Variants in OXR1 observed in about 807,000 individuals in gnomAD.
The protein encoded by OXR1 is oxidation resistance 1, also known as oxidation resistance protein 1.
Under a neutral mutation model 104.6 loss-of-function variants are expected in OXR1, and 41 were observed. The ratio of observed to expected loss-of-function variants is 0.39; its 90% confidence interval spans 0.31 to 0.51. The LOEUF (loss-of-function observed/expected upper bound fraction) is 0.51. Among genes scored for constraint, OXR1 ranks in the 20% least tolerant of loss-of-function variants. The probability of loss-of-function intolerance (pLI) is 0.77; values close to 1 mark genes in which losing one functional copy is unlikely to be tolerated. For synonymous variants in OXR1, 348 were observed against 348.4 expected (o/e 1.00, Z 0.01); for missense variants, 955 against 1,031.9 (o/e 0.93, Z 1.02).
intron 3 of OXR1, among the ~76,000 whole-genome samples, chr8:106,648,098 A>T (rs750869887): frequency 1.3e-5 from 2 of 152,238 alleles, no homozygotes; most frequent in Non-Finnish European, 2.9e-5. Flanking sequence ...AATGAACACA[A>T]TGTTGTGGCT....
At chr8:106,280,081 C>T (rs1441235122) in intron 1 of OXR1, among the ~76,000 whole-genome samples, 1 of 152,122 alleles carries the variant, frequency 6.6e-6, no homozygotes, top group African/African-American at 2.4e-5. Context: ...TCTGTTACTA[C>T]TGGAAGAGGG....
intron 1 of OXR1, among the ~76,000 whole-genome samples, chr8:106,278,358 T>C (rs1041274665): frequency 2.6e-5 from 4 of 152,188 alleles, no homozygotes; most frequent in Admixed American, 2.6e-4. Flanking sequence ...CGTGATTTAT[T>C]CCTTTGTTCC....
At position 106,706,855 on chromosome 8, in the gene OXR1, G is replaced by A. The variant is rs773832572; in HGVS notation, c.1334G>A (p.Gly445Asp). ...GPKEDSTSIK[G>D]NSDQDSFLHE... ...AAAGAAGACAGCACAAGTATAAAAG[G>A]TAATTCAGACCAGGATTCTTTTCTT... The change falls in exon 9 of 17, where the codon GGT becomes GAT. Residue 445 changes from glycine (G) to aspartate (D), a missense_variant. Physicochemically the swap from Gly to Asp is moderately conservative, Grantham distance 94 (BLOSUM62 -1). Coordinates refer to ENST00000517566, the MANE Select transcript of OXR1 (RefSeq NM_001198533.2). The A allele has an allele frequency of 1.9e-6, 3 of 1,612,166 alleles. No homozygotes were observed. Among genetic ancestry groups the A allele is most frequent in the Non-Finnish European group, 2.5e-6 (3 of 1,179,626 alleles).
intron 1 of OXR1, among the ~76,000 whole-genome samples, chr8:106,283,628 GC>G: frequency 6.6e-6 from 1 of 152,092 alleles, no homozygotes; most frequent in Non-Finnish European, 1.5e-5. Context: ...TAGTCAAAGG[GC>G]CTCCCCCTGA....
rs1831888492 is a variant in OXR1 at position 106,713,293 on chromosome 8, T to C, written c.1794-530T>C. Among the ~76,000 whole-genome samples the C allele has an allele frequency of 2.6e-5, 4 of 151,930 alleles. No homozygotes were observed. In the South Asian group the frequency reaches 8.3e-4, roughly 31 times the overall value. ...CAGGGAATGTAACAACTGGCTTTAGTGTAGTAAACAAAACATTGAAAAGGG... is the reference window on the plus strand; with the variant it reads ...CAGGGAATGTAACAACTGGCTTTAGCGTAGTAAACAAAACATTGAAAAGGG... On this transcript the variant is annotated intron_variant, in intron 10 of 16. Coordinates refer to ENST00000517566, the MANE Select transcript of OXR1 (RefSeq NM_001198533.2).
chr8:106,673,537 T>A (rs2131174973), intron 3 of OXR1, among the ~76,000 whole-genome samples: 1 of 152,300 alleles, frequency 6.6e-6, no homozygotes, highest in East Asian at 1.9e-4. Context: ...AAGAAAAACC[T>A]GTTTCTGAGG....
chr8:106,536,142 C>G (rs1814506869), intron 3 of OXR1, among the ~76,000 whole-genome samples: 1 of 151,814 alleles, frequency 6.6e-6, no homozygotes, highest in South Asian at 2.1e-4. Context: ...ATGGCATGAA[C>G]CTGGGAGACG....
At chr8:106,561,541 G>A (rs1816681497) in intron 3 of OXR1, among the ~76,000 whole-genome samples, 1 of 152,186 alleles carries the variant, frequency 6.6e-6, no homozygotes, top group South Asian at 2.1e-4. Flanking sequence ...GGCGGCTGTG[G>A]GCGCAGCTTC....
At chr8:106,455,632 C>A (rs1820558807) in intron 2 of OXR1, among the ~76,000 whole-genome samples, 1 of 152,122 alleles carries the variant, frequency 6.6e-6, no homozygotes, top group East Asian at 1.9e-4. Context: ...AGGTGATGAC[C>A]CCCTAGAGCA....
At chr8:106,635,113 G>A (rs1485472465) in intron 3 of OXR1, among the ~76,000 whole-genome samples, 2 of 152,122 alleles carry the variant, frequency 1.3e-5, no homozygotes, top group Non-Finnish European at 2.9e-5. Flanking sequence ...GAGGAGATTT[G>A]GTCATTGACT....
chr8:106,471,626 G>T (rs1394375655), intron 2 of OXR1, among the ~76,000 whole-genome samples: 1 of 151,736 alleles, frequency 6.6e-6, no homozygotes, highest in African/African-American at 2.4e-5. Flanking sequence ...TCCCAATGTT[G>T]TTCCCATGTT....
intron 11 of OXR1, among the ~76,000 whole-genome samples, chr8:106,721,188 G>A (rs967104173): frequency 3.3e-5 from 5 of 151,880 alleles, no homozygotes; most frequent in African/African-American, 1.2e-4. Context: ...TTGCTTTTTG[G>A]TTCCTTTCCT....
At chr8:106,553,415 C>T (rs1816026678) in intron 3 of OXR1, among the ~76,000 whole-genome samples, 1 of 151,062 alleles carries the variant, frequency 6.6e-6, no homozygotes, top group South Asian at 2.1e-4. Context: ...ACTTCCCTGG[C>T]TCAAGCAATC....
chr8:106,506,190 G>T (rs190034213), intron 2 of OXR1, among the ~76,000 whole-genome samples: 14 of 152,210 alleles, frequency 9.2e-5, no homozygotes, highest in Non-Finnish European at 1.2e-4. Context: ...GGAAAGTCAG[G>T]GTCAAGTTTA....
chr8:106,360,497 G>T (rs1176467008), intron 2 of OXR1, among the ~76,000 whole-genome samples: 3 of 151,892 alleles, frequency 2.0e-5, no homozygotes, highest in African/African-American at 7.3e-5. Flanking sequence ...TTTATTTTTA[G>T]TGAAGTCAGC....
chr8:106,412,877 T>A (rs1818515388), intron 2 of OXR1, among the ~76,000 whole-genome samples: 1 of 152,100 alleles, frequency 6.6e-6, no homozygotes, highest in Admixed American at 6.6e-5. Flanking sequence ...CGTGTACATG[T>A]ATCTCTTCTA....
At chr8:106,623,218 C>T (rs1419090551) in intron 3 of OXR1, among the ~76,000 whole-genome samples, 3 of 152,136 alleles carry the variant, frequency 2.0e-5, no homozygotes, top group Admixed American at 6.5e-5. Flanking sequence ...CTACTGACAA[C>T]ATAGTCAGAT....
intron 3 of OXR1, among the ~76,000 whole-genome samples, chr8:106,622,911 T>G (rs1328277993): frequency 6.6e-6 from 1 of 152,228 alleles, no homozygotes; most frequent in Non-Finnish European, 1.5e-5. Flanking sequence ...CTTCAAACAT[T>G]ATTTGTTGAA....
chr8:106,512,156 T>C (rs903309130), intron 2 of OXR1, among the ~76,000 whole-genome samples: 12 of 152,110 alleles, frequency 7.9e-5, no homozygotes, highest in African/African-American at 2.9e-4. Context: ...GATGAGAAAA[T>C]GGAGGCAAGG....
Sources: allele counts gnomAD v4.1 joint callset (sites outside exome capture counted in the v4.1 genomes callset), GRCh38; gene constraint gnomAD v4.1.1; transcripts MANE v1.5; gene names NCBI Gene and HGNC (gene_info 2026-07-23, HGNC 2026-07-21).